HMGA2: variants seen among roughly 807,000 people sequenced by gnomAD.
The protein encoded by HMGA2 is high mobility group AT-hook 2.
In HMGA2, 8 loss-of-function variants were observed where a neutral mutation model predicts 19.1. That is an observed-to-expected ratio of 0.42 (90% CI 0.25 to 0.76). The LOEUF (loss-of-function observed/expected upper bound fraction) is 0.76. HMGA2 is among the 30% of genes least tolerant of loss of function. The pLI is 0.28. For missense variants in HMGA2, 109 were observed against 136.3 expected (o/e 0.80, Z 1.00); for synonymous variants, 60 against 48.8 (o/e 1.23, Z -0.96).
Position 65,964,997 on chromosome 12 carries a change from G to T in HMGA2, c.*1705G>T, listed in dbSNP as rs1010473765. 19 of 188,464 alleles carry T rather than the reference G, an allele frequency of 1.0e-4. No homozygotes were observed. Among genetic ancestry groups the T allele is most frequent in the Non-Finnish European group, 1.0e-4 (9 of 89,372 alleles). 11.7% of individuals were successfully genotyped at this position (188,464 alleles called of 1,614,324 possible). On this transcript the variant is annotated 3_prime_UTR_variant, in exon 5 of 5. Coordinates refer to ENST00000403681, the MANE Select transcript of HMGA2 (RefSeq NM_003483.6). ...TTCAAAAGGAATGAACTTGTTACTT[G>T]CAGCATTCATTTGTTTTTTCAATGT...
chr12:65,953,248 A>G (rs747705796), intron 4 of HMGA2: 1 of 152,190 alleles, frequency 6.6e-6, no homozygotes, highest in Non-Finnish European at 1.5e-5. Flanking sequence ...ATGAAAACAC[A>G]TGAGAAGATG....
chr12:65,922,450 C>G (rs1381050039), intron 3 of HMGA2, among the ~76,000 whole-genome samples: 1 of 152,104 alleles, frequency 6.6e-6, no homozygotes, highest in Non-Finnish European at 1.5e-5. Context: ...CCCTGTAACC[C>G]CTTTATTTTG....
chr12:65,950,938 GT>G (rs748826631), intron 3 of HMGA2, among the ~76,000 whole-genome samples: 1 of 151,600 alleles, frequency 6.6e-6, no homozygotes, highest in African/African-American at 2.4e-5. Context: ...AGACATTTTT[GT>G]TTTTTTTGAG....
rs1226492362 is a variant in HMGA2 at position 65,824,583 on chromosome 12, CA to C, written c.-687del. 4.3e-6 allele frequency: 1 copy of C among 233,258 alleles called. No homozygotes were observed. Among genetic ancestry groups the C allele is most frequent in the Non-Finnish European group, 8.4e-6 (1 of 118,360 alleles). 14.4% of individuals were successfully genotyped at this position (233,258 alleles called of 1,614,324 possible). The stretch of plus-strand genomic sequence containing the variant: ...CGGTGCCGCCGCTGCCTGCTCCCGC[CA>C]CCCTAGGAGGCGCGGTGCCACCCAC... On this transcript the variant is annotated 5_prime_UTR_variant, in exon 1 of 5. Coordinates refer to ENST00000403681, the MANE Select transcript of HMGA2 (RefSeq NM_003483.6).
intron 3 of HMGA2, among the ~76,000 whole-genome samples, chr12:65,936,212 A>ATTT (rs5798799): frequency 1.6e-4 from 23 of 144,546 alleles, no homozygotes; most frequent in African/African-American, 3.5e-4. Flanking sequence ...TGTTCCATTC[A>ATTT]TTTTTTTTTT....
intron 3 of HMGA2, among the ~76,000 whole-genome samples, chr12:65,847,830 A>G (rs1315873834): frequency 6.6e-6 from 1 of 152,212 alleles, no homozygotes; most frequent in East Asian, 1.9e-4. Flanking sequence ...ATGTTCGGTG[A>G]GTAGGATGAC....
chr12:65,936,729 G>A (rs1875908435), intron 3 of HMGA2, among the ~76,000 whole-genome samples: 1 of 152,138 alleles, frequency 6.6e-6, no homozygotes, highest in African/African-American at 2.4e-5. Context: ...ACTGTGCTAT[G>A]TACTTTAGTG....
chr12:65,963,371 C>G lies in HMGA2; in HGVS notation c.*79C>G. 1.2e-6 allele frequency: 1 copy of G among 828,164 alleles called. No individual in the cohort carries two copies. Among genetic ancestry groups the G allele is most frequent in the South Asian group, 1.4e-5 (1 of 72,712 alleles). The allele number at this position is 828,164 out of a possible 1,614,324, so 51.3% of individuals were successfully genotyped here. ...GAAGACACTGCAGTGACCACTTATT[C>G]TGTATTGCCATGGTCTTTCCACTTT... is the stretch of plus-strand genomic sequence containing the variant. On this transcript the variant is annotated 3_prime_UTR_variant, in exon 5 of 5. Transcript: ENST00000403681.
In HMGA2 at chr12:65,963,647, T is replaced by A; in HGVS notation, c.*355T>A. 2.5e-6 allele frequency: 1 copy of A among 403,778 alleles called. No homozygotes were observed. The highest frequency in any genetic ancestry group is 4.6e-6 in the Non-Finnish European group (1 of 218,130). 25.0% of individuals were successfully genotyped at this position (403,778 alleles called of 1,614,324 possible). ...GAGTGGGCGGGTGAGAAAAACCGAATTGGGTTTAGTCAATCACTGCACTGC... is the reference window on the plus strand; with the variant it reads ...GAGTGGGCGGGTGAGAAAAACCGAAATGGGTTTAGTCAATCACTGCACTGC... On this transcript the variant is annotated 3_prime_UTR_variant, in exon 5 of 5. Transcript: ENST00000403681.
intron 3 of HMGA2, among the ~76,000 whole-genome samples, chr12:65,849,757 T>TC (rs1357114298): frequency 1.3e-5 from 2 of 148,200 alleles, no homozygotes; most frequent in Admixed American, 1.3e-4. Context: ...TTTTTTTTTT[T>TC]TTTGAGGCTG....
chr12:65,838,358 T>A (rs528362687), intron 2 of HMGA2, among the ~76,000 whole-genome samples, 161 bp from the exon 3 acceptor site: 2 of 150,842 alleles, frequency 1.3e-5, no homozygotes, highest in South Asian at 4.2e-4. Context: ...TGGAAAAAGA[T>A]TAACCTTAGA....
At chr12:65,892,518 G>C (rs1555185170) in intron 3 of HMGA2, among the ~76,000 whole-genome samples, 1 of 151,986 alleles carries the variant, frequency 6.6e-6, no homozygotes, top group African/African-American at 2.4e-5. Context: ...ACTCTTTTTT[G>C]TCTTTTCTTT....
chr12:65,914,289 T>G (rs922928078), intron 3 of HMGA2, among the ~76,000 whole-genome samples: 1 of 152,014 alleles, frequency 6.6e-6, no homozygotes, highest in East Asian at 1.9e-4. Flanking sequence ...GTGGCACATA[T>G]ACACCATGGA....
Position 65,915,329 on chromosome 12 carries a change from T to C in HMGA2, c.250-36054T>C, listed in dbSNP as rs1390929662. 3.6e-6 allele frequency: 5 copies of C among 1,390,664 alleles called. No individual in the cohort carries two copies. The African/African-American group carries it at 7.2e-5, about 20-fold the overall frequency. The allele number at this position is 1,390,664 out of a possible 1,614,324, so 86.1% of individuals were successfully genotyped here. On this transcript the variant is annotated intron_variant, in intron 3 of 4. Coordinates refer to ENST00000403681, the MANE Select transcript of HMGA2 (RefSeq NM_003483.6). ...GCATCCCAAGATGTAGTTTCACTGCTACCCCATATGGCACCCTTGTACGAA... is the reference window on the plus strand; with the variant it reads ...GCATCCCAAGATGTAGTTTCACTGCCACCCCATATGGCACCCTTGTACGAA...
chr12:65,881,992 C>A, intron 3 of HMGA2: 1 of 691,696 alleles, frequency 1.4e-6, no homozygotes, highest in Non-Finnish European at 2.6e-6. Flanking sequence ...CATCTCCTGT[C>A]CCTGGGCGGT....
chr12:65,951,616 AG>A, intron 4 of HMGA2: 1 of 504,838 alleles, frequency 2.0e-6, no homozygotes, highest in Non-Finnish European at 3.6e-6. Flanking sequence ...CCAAAATGTA[AG>A]GTCTTAAGTG....
intron 3 of HMGA2, among the ~76,000 whole-genome samples, chr12:65,847,997 A>G (rs78396295): frequency 0.052 from 7,937 of 152,296 alleles, 308 homozygotes; most frequent in African/African-American, 0.11. Context: ...AGCACAACCT[A>G]TAGGCATCAA....
chr12:65,930,947 A>G (rs986457726), intron 3 of HMGA2, among the ~76,000 whole-genome samples: 1 of 152,242 alleles, frequency 6.6e-6, no homozygotes, highest in Non-Finnish European at 1.5e-5. Context: ...TCACTAAGAC[A>G]GGAAAAAAGG....
rs199886793 is a variant in HMGA2 at position 65,963,326 on chromosome 12, A to C, written c.*34A>C. ...AACGTTCGATTTCTACCTCAGCAGC[A>C]GTTGGATCTTTTGAAGGGAGAAGAC... On this transcript the variant is annotated 3_prime_UTR_variant, in exon 5 of 5. Transcript: ENST00000403681. The C allele has an allele frequency of 2.6e-4, 415 of 1,581,228 alleles. No homozygotes were observed. Among genetic ancestry groups the C allele is most frequent in the Non-Finnish European group, 2.9e-4 (340 of 1,158,924 alleles).
Sources: gnomAD v4.1 joint callset for allele counts (sites outside exome capture counted in the v4.1 genomes callset) on GRCh38, gnomAD v4.1.1 for gene constraint, MANE v1.5 for transcripts, NCBI Gene and HGNC (gene_info 2026-07-23, HGNC 2026-07-21) for gene names.